The following RUFY3 variants were observed in gnomAD, a reference collection of about 807,000 sequenced individuals.
RUFY3 encodes the protein protein RUFY3.
In RUFY3, 34 loss-of-function variants were observed where a neutral mutation model predicts 84.0. The ratio of observed to expected loss-of-function variants is 0.40; its 90% CI spans 0.31 to 0.54. The LOEUF (loss-of-function observed/expected upper bound fraction) is 0.54, where lower values mean the gene tolerates loss of function less well. Ranked by LOEUF, RUFY3 falls within the 20% of genes least tolerant of loss-of-function variation. The pLI, the probability that RUFY3 is intolerant of heterozygous loss-of-function variation, is 0.39. For missense variants in RUFY3, 507 were observed against 736.8 expected (o/e 0.69, Z 3.61); for synonymous variants, 242 against 252.9 (o/e 0.96, Z 0.41).
At chr4:70,755,343 A>G (rs1723825426) in intron 1 of RUFY3, among the ~76,000 whole-genome samples, 1 of 152,254 alleles carries the variant, frequency 6.6e-6, no homozygotes, top group Admixed American at 6.5e-5. Context: ...ATTCTCTGCC[A>G]AGAATTGCAT....
upstream of RUFY3, among the ~76,000 whole-genome samples, chr4:70,719,260 A>C (rs1275112076): frequency 1.3e-5 from 2 of 152,070 alleles, no homozygotes; most frequent in Non-Finnish European, 2.9e-5. Flanking sequence ...CTTGCCAAAA[A>C]CTTTAGTTGT....
In RUFY3 at chr4:70,741,763, A is replaced by G. The variant is rs1253402011; in HGVS notation, c.178+19012A>G. 4 of 1,047,782 alleles carry G rather than the reference A, an allele frequency of 3.8e-6. No individual in the cohort carries two copies. The East Asian group carries it at 1.2e-4, about 31-fold the overall frequency. The allele number at this position is 1,047,782 out of a possible 1,614,324, so 64.9% of individuals were successfully genotyped here. ...CCACCTTTTAATTGTTTTCCGTAAG[A>G]GGAAATGTCAGCTTTAGGTTTTATT... On this transcript the variant is annotated intron_variant, in intron 1 of 17. Coordinates refer to ENST00000381006, the MANE Select transcript of RUFY3 (RefSeq NM_001037442.4).
At chr4:70,712,883 A>G (rs898365952) in intron 1 of RUFY3, among the ~76,000 whole-genome samples, 10 of 152,196 alleles carry the variant, frequency 6.6e-5, no homozygotes, top group African/African-American at 2.4e-4. Flanking sequence ...TGTCTACTCA[A>G]TCCTTACTAA....
intron 1 of RUFY3, among the ~76,000 whole-genome samples, chr4:70,712,455 T>C (rs1029485732): frequency 2.0e-5 from 3 of 152,196 alleles, no homozygotes; most frequent in Admixed American, 1.3e-4. Flanking sequence ...GTAGGAGGGA[T>C]AGCAGAGGAA....
At chr4:70,740,918 G>A (rs775691987) in intron 1 of RUFY3, among the ~76,000 whole-genome samples, 9 of 152,038 alleles carry the variant, frequency 5.9e-5, no homozygotes, top group African/African-American at 1.2e-4. Flanking sequence ...ACAACATGAT[G>A]TGAATTTACT....
chr4:70,719,167 C>G (rs1225212555), upstream of RUFY3, among the ~76,000 whole-genome samples: 1 of 152,206 alleles, frequency 6.6e-6, no homozygotes, highest in African/African-American at 2.4e-5. Flanking sequence ...ACCCCCGGGT[C>G]TTATTTCTGA....
At chr4:70,730,835 A>G (rs1719135888) in intron 1 of RUFY3, among the ~76,000 whole-genome samples, 1 of 152,236 alleles carries the variant, frequency 6.6e-6, no homozygotes, top group Non-Finnish European at 1.5e-5. Context: ...GGTTCAACCC[A>G]TACACAACAC....
intron 1 of RUFY3, among the ~76,000 whole-genome samples, chr4:70,716,432 C>T (rs902300584): frequency 1.3e-5 from 2 of 152,210 alleles, no homozygotes; most frequent in Non-Finnish European, 1.5e-5. Flanking sequence ...AGACGTGAGC[C>T]GCCGCGCCCT....
At chr4:70,712,219 A>G (rs1261411629) in intron 1 of RUFY3, among the ~76,000 whole-genome samples, 3 of 152,234 alleles carry the variant, frequency 2.0e-5, no homozygotes, top group African/African-American at 7.2e-5. Flanking sequence ...GTAAGATAAT[A>G]CTACTACTAG....
chr4:70,749,090 T>A (rs1722690841), intron 1 of RUFY3, among the ~76,000 whole-genome samples: 1 of 152,216 alleles, frequency 6.6e-6, no homozygotes, highest in Admixed American at 6.5e-5. Flanking sequence ...TTCTTTTTTT[T>A]ATACCTAGGT....
At chr4:70,705,065 G>T (rs1263826483) in exon 1 of RUFY3, 4 of 1,290,686 alleles carry the variant, frequency 3.1e-6, no homozygotes, top group Non-Finnish European at 3.9e-6. Flanking sequence ...GAGAGGGCGA[G>T]GCGGGGCCGC....
intron 1 of RUFY3, among the ~76,000 whole-genome samples, chr4:70,733,229 T>C (rs1033018349): frequency 3.9e-5 from 6 of 152,180 alleles, no homozygotes; most frequent in Admixed American, 3.9e-4. Context: ...TTATGGTTTC[T>C]AATGTTTTCT....
chr4:70,704,225 C>G (rs1203758710), upstream of RUFY3: 1 of 152,200 alleles, frequency 6.6e-6, no homozygotes, highest in Non-Finnish European at 1.5e-5. Context: ...TTCAGTACAG[C>G]GCACAAGACG....
intron 6 of RUFY3, among the ~76,000 whole-genome samples, chr4:70,774,127 A>G (rs1005778405): frequency 2.6e-5 from 4 of 152,146 alleles, no homozygotes; most frequent in African/African-American, 9.7e-5. Context: ...TGAAAGCATA[A>G]TTAGTCTGAT....
intron 10 of RUFY3, among the ~76,000 whole-genome samples, chr4:70,786,564 C>A (rs1225398367): frequency 6.6e-6 from 1 of 151,936 alleles, no homozygotes; most frequent in African/African-American, 2.4e-5. Context: ...ATGTTCTCAT[C>A]ACAAATGATA....
At chr4:70,785,494 A>G (rs990778381) in intron 10 of RUFY3, among the ~76,000 whole-genome samples, 2 of 152,136 alleles carry the variant, frequency 1.3e-5, no homozygotes, top group Non-Finnish European at 2.9e-5. Flanking sequence ...GTGAAAATAT[A>G]AATTAGTATA....
intron 1 of RUFY3, among the ~76,000 whole-genome samples, chr4:70,733,967 A>G (rs1392828161): frequency 6.6e-6 from 1 of 152,220 alleles, no homozygotes; most frequent in Middle Eastern, 3.2e-3. Flanking sequence ...CATCCATCCA[A>G]CAGATATTTG....
At chr4:70,802,911 ACATGAAGTTCCTATTTGT>A in intron 15 of RUFY3, 27 bp from the exon 16 acceptor site, 1 of 1,442,348 alleles carries the variant, frequency 6.9e-7, no homozygotes, top group Non-Finnish European at 9.6e-7. Flanking sequence ...AAATGAAAAT[ACATGAAGTTCCTATTTGT>A]CACAATTTTT....
chr4:70,714,628 C>T (rs1260725550), intron 1 of RUFY3, among the ~76,000 whole-genome samples: 3 of 152,124 alleles, frequency 2.0e-5, no homozygotes, highest in African/African-American at 7.2e-5. Flanking sequence ...GGAAAAATGC[C>T]ATTGCAAGGC....
Sources: allele counts gnomAD v4.1 joint callset (sites outside exome capture counted in the v4.1 genomes callset), GRCh38; gene constraint gnomAD v4.1.1; transcripts MANE v1.5; gene names NCBI Gene and HGNC (gene_info 2026-07-23, HGNC 2026-07-21).